Variants in HLCS observed in about 807,000 individuals in gnomAD.
HLCS encodes the protein holocarboxylase synthetase, also known as biotin--protein ligase.
In HLCS, 53 loss-of-function variants were observed where a neutral mutation model predicts 75.0. The observed-to-expected ratio is 0.71, with a 90% CI of 0.57 to 0.89. The LOEUF is 0.89. Among genes scored for constraint, HLCS ranks in the 40% least tolerant of loss-of-function variants. The probability of loss-of-function intolerance (pLI) is 0.00; values close to 1 mark genes in which losing one functional copy is unlikely to be tolerated. For missense variants in HLCS, 966 were observed against 1,074.0 expected, an observed-to-expected ratio of 0.90 and a Z score of 1.41; for synonymous variants, 431 against 428.6, an observed-to-expected ratio of 1.01 and a Z score of -0.07.
intron 1 of HLCS, among the ~76,000 whole-genome samples, chr21:36,986,468 G>A (rs57113705): frequency 0.17 from 25,134 of 152,174 alleles, 2,638 homozygotes; most frequent in South Asian, 0.29. Context: ...GCCCAGGCTG[G>A]AGTGCAATGG....
intron 5 of HLCS, among the ~76,000 whole-genome samples, chr21:36,917,101 C>T (rs1287005197): frequency 6.6e-6 from 1 of 152,170 alleles, no homozygotes; most frequent in African/African-American, 2.4e-5. Flanking sequence ...TCTTCAGTTC[C>T]AATTTTTTTT....
rs981255659 is a variant in HLCS at position 36,842,734 on chromosome 21, C to T, written c.1892+54126G>A. On this transcript the variant is annotated intron_variant, in intron 6 of 10. Transcript: ENST00000674895. This position sits in a 1 kb window ranked among gnomAD's most constrained non-coding sequence, Gnocchi z 4.2. ...CTCCACCCTGGGCAACAGAGCAAGA[C>T]TCAGTCTCAAAAAAACAAACAACAA... Among the ~76,000 whole-genome samples, 2 of 152,110 alleles carry T rather than the reference C, an allele frequency of 1.3e-5. No homozygotes were observed. The highest frequency in any genetic ancestry group is 1.3e-4 in the Admixed American group (2 of 15,266).
At chr21:36,949,557 ACACACAAAT>A (rs2067573395) in intron 2 of HLCS, among the ~76,000 whole-genome samples, 1 of 152,242 alleles carries the variant, frequency 6.6e-6, no homozygotes, top group Non-Finnish European at 1.5e-5. Flanking sequence ...ATCCCAATGG[ACACACAAAT>A]CACTAAGGTC....
chr21:36,937,158 A>G lies in HLCS; in HGVS notation c.728T>C (p.Val243Ala). 1 of 1,614,132 alleles carries G rather than the reference A, an allele frequency of 6.2e-7. No individual in the cohort carries two copies. Among genetic ancestry groups the G allele is most frequent in the Non-Finnish European group, 8.5e-7 (1 of 1,180,002 alleles). The change falls in exon 4 of 11, where the codon GTT becomes GCT. Residue 243 changes from valine (V) to alanine (A), a missense_variant. Physicochemically the swap from Val to Ala is moderately conservative, Grantham distance 64 (BLOSUM62 0). Transcript: ENST00000674895. ...AGACAGATGGAGGTGATAATGCTCA[A>G]CGGGGCCCCCTCCCCTGTCACTGTC... ...AGDSDRGGGP[V>A]EHYHLHLSSC...
At chr21:36,963,257 A>T (rs2068399455) in intron 1 of HLCS, among the ~76,000 whole-genome samples, 1 of 152,232 alleles carries the variant, frequency 6.6e-6, no homozygotes, top group Non-Finnish European at 1.5e-5. Context: ...TACAGGATAT[A>T]GCCAGAGAAG....
At chr21:36,946,596 T>A (rs2067408463) in intron 2 of HLCS, among the ~76,000 whole-genome samples, 1 of 151,920 alleles carries the variant, frequency 6.6e-6, no homozygotes, top group Non-Finnish European at 1.5e-5. Flanking sequence ...AGAGTGAACG[T>A]GAATTTAATT....
chr21:36,933,024 A>T (rs1357223324), intron 4 of HLCS, among the ~76,000 whole-genome samples: 1 of 152,212 alleles, frequency 6.6e-6, no homozygotes, highest in Non-Finnish European at 1.5e-5. Context: ...AGGCTGAGGC[A>T]CAAGAATCAC....
rs183571391 is a variant in HLCS at position 36,982,096 on chromosome 21, A to T, written c.-393+8062T>A. Among the ~76,000 whole-genome samples, 420 of 152,214 alleles carry T rather than the reference A, an allele frequency of 2.8e-3. 1 individual carries two copies. Among genetic ancestry groups the T allele is most frequent in the Non-Finnish European group, 4.6e-3 (313 of 68,004 alleles). On this transcript the variant is annotated intron_variant, in intron 1 of 11. Coordinates refer to the HLCS transcript ENST00000336648. ...TTTTTTTTTCTTGCTTTATAAGAAT[A>T]TTATTCAATAAGCAGATTTCCAAGC...
At chr21:36,778,212 G>A (rs576475520) in intron 6 of HLCS, among the ~76,000 whole-genome samples, 15 of 152,060 alleles carry the variant, frequency 9.9e-5, no homozygotes, top group South Asian at 6.2e-4. Context: ...CTTGTGATCC[G>A]CCCACCTCTG....
intron 8 of HLCS, among the ~76,000 whole-genome samples, chr21:36,764,121 G>C (rs774905499): frequency 6.6e-6 from 1 of 152,224 alleles, no homozygotes; most frequent in Non-Finnish European, 1.5e-5. Context: ...ACATGCAGCT[G>C]GGCGTGGTGG....
chr21:36,774,283 G>A (rs1177503007), intron 6 of HLCS, among the ~76,000 whole-genome samples: 1 of 152,162 alleles, frequency 6.6e-6, no homozygotes, highest in Non-Finnish European at 1.5e-5. Flanking sequence ...CTACAGGAAG[G>A]TTCCCAAGGA....
intron 6 of HLCS, among the ~76,000 whole-genome samples, chr21:36,786,899 T>TA (rs1339338379): frequency 6.6e-6 from 1 of 152,178 alleles, no homozygotes; most frequent in Non-Finnish European, 1.5e-5. Context: ...TTGGGCCTCT[T>TA]AAGGAGTAGG....
chr21:36,912,258 C>A, intron 5 of HLCS, among the ~76,000 whole-genome samples: 1 of 147,108 alleles, frequency 6.8e-6, no homozygotes, highest in African/African-American at 2.5e-5. Flanking sequence ...AATGGATAAA[C>A]AAAATGTGGC....
At chr21:36,798,229 T>TG (rs1267532182) in intron 6 of HLCS, among the ~76,000 whole-genome samples, 2 of 152,102 alleles carry the variant, frequency 1.3e-5, no homozygotes. Flanking sequence ...TGCAGGTATT[T>TG]GGGGGAGGAA....
In HLCS at chr21:36,936,927, T is replaced by TG; in HGVS notation, c.958dup (p.Gln320ProfsTer21). On this transcript the variant is annotated frameshift_variant, in exon 4 of 11. Coordinates refer to ENST00000674895, the MANE Select transcript of HLCS (RefSeq NM_001352514.2). LOFTEE classifies it high-confidence loss of function. ...CTCGTGGAACCGGCCGAGGGCTTCC[T>TG]GGGAGTCGGAGCCCACATAGAGGAG... is the stretch of plus-strand genomic sequence containing the variant. 6.2e-7 allele frequency: 1 copy of TG among 1,614,172 alleles called. No homozygotes were observed. Among genetic ancestry groups the TG allele is most frequent in the Middle Eastern group, 1.6e-4 (1 of 6,062 alleles).
Position 36,759,803 on chromosome 21 carries a change from A to G in HLCS, c.2160T>C (p.Tyr720=). ...CGCCGATCTTCATGAGGTCACTGTA[A>G]TAAATATCGTTGGGCCACTTCACTC... ...NLRVKWPNDI[Y]YSDLMKIGGV... is the part of the protein sequence containing the mutation. The change falls in exon 9 of 11, where the codon TAT becomes TAC. Residue 720 remains tyrosine (Y), a synonymous_variant. Transcript: ENST00000674895. The G allele has an allele frequency of 1.9e-6, 3 of 1,613,612 alleles. No homozygotes were observed. Among genetic ancestry groups the G allele is most frequent in the Non-Finnish European group, 2.5e-6 (3 of 1,179,494 alleles).
intron 6 of HLCS, among the ~76,000 whole-genome samples, chr21:36,850,217 G>T (rs780563243): frequency 2.5e-4 from 38 of 152,214 alleles, no homozygotes; most frequent in Non-Finnish European, 4.9e-4. Flanking sequence ...ACTTGGATTT[G>T]CACCTTAACA....
At chr21:36,943,991 G>A (rs1485807796) in intron 2 of HLCS, 1 of 152,102 alleles carries the variant, frequency 6.6e-6, no homozygotes, top group Non-Finnish European at 1.5e-5. Flanking sequence ...GACCACCCCA[G>A]TGGCCCCAAA....
At position 36,824,489 on chromosome 21, in the gene HLCS, T is replaced by C. The variant is rs2061947600; in HGVS notation, c.1893-57204A>G. ...CATCAGAACAAACAGCTAATGCATG[T>C]AGGGCTTAATACCCAAGTGACGGAT... On this transcript the variant is annotated intron_variant, in intron 6 of 10. Coordinates refer to ENST00000674895, the MANE Select transcript of HLCS (RefSeq NM_001352514.2). 2.0e-5 allele frequency among the ~76,000 whole-genome samples: 3 copies of C among 152,172 alleles called. No homozygotes were observed. In the South Asian group the frequency reaches 6.2e-4, roughly 32 times the overall value.
Sources: gnomAD v4.1 joint callset for allele counts (sites outside exome capture counted in the v4.1 genomes callset) on GRCh38, gnomAD v4.1.1 for gene constraint, Gnocchi (gnomAD v3.1) non-coding constraint, MANE v1.5 for transcripts, NCBI Gene and HGNC (gene_info 2026-07-23, HGNC 2026-07-21) for gene names.